Variants in MCTP1 observed in about 807,000 individuals in gnomAD.
MCTP1 encodes multiple C2 and transmembrane domain containing 1, also known as multiple C2 and transmembrane domain-containing protein 1.
In MCTP1, 69 loss-of-function variants were observed where a neutral mutation model predicts 120.6. That is an observed-to-expected ratio of 0.57 (90% CI 0.47 to 0.70). The LOEUF is 0.70. MCTP1 is among the 30% of genes least tolerant of loss of function. The pLI is 0.00. For missense variants in MCTP1, 1,203 were observed against 1,248.8 expected, an observed-to-expected ratio of 0.96 and a Z score of 0.55; for synonymous variants, 529 against 493.1, an observed-to-expected ratio of 1.07 and a Z score of -0.96.
At chr5:95,229,122 C>G (rs536216997) in intron 1 of MCTP1, among the ~76,000 whole-genome samples, 1 of 152,066 alleles carries the variant, frequency 6.6e-6, no homozygotes, top group Non-Finnish European at 1.5e-5. Flanking sequence ...AATAGCTGAC[C>G]GAAGCCAGAA....
At chr5:94,986,004 T>C (rs764651111) in intron 2 of MCTP1, among the ~76,000 whole-genome samples, 14 of 152,200 alleles carry the variant, frequency 9.2e-5, no homozygotes, top group African/African-American at 3.4e-4. Context: ...ATTATAGTTG[T>C]TTGTGATTGA....
At chr5:94,736,243 C>G (rs1764204341) in intron 19 of MCTP1, among the ~76,000 whole-genome samples, 1 of 152,198 alleles carries the variant, frequency 6.6e-6, no homozygotes, top group African/African-American at 2.4e-5. Flanking sequence ...AATCCCAGCA[C>G]TTTGGGAGGC....
chr5:95,013,332 T>C (rs975213208), intron 2 of MCTP1, among the ~76,000 whole-genome samples: 3 of 152,044 alleles, frequency 2.0e-5, no homozygotes, highest in Non-Finnish European at 2.9e-5. Flanking sequence ...AGCAAGATAA[T>C]TGATGACGGT....
At chr5:94,750,414 T>C (rs997501455) in intron 19 of MCTP1, among the ~76,000 whole-genome samples, 2 of 152,242 alleles carry the variant, frequency 1.3e-5, no homozygotes, top group African/African-American at 4.8e-5. Flanking sequence ...GACAATTGTA[T>C]AATCATTAAG....
chr5:94,848,767 A>G (rs1256608852), intron 17 of MCTP1, among the ~76,000 whole-genome samples: 1 of 152,040 alleles, frequency 6.6e-6, no homozygotes, highest in Non-Finnish European at 1.5e-5. Flanking sequence ...GGCAATAAAT[A>G]AAACACTTTA....
intron 1 of MCTP1, among the ~76,000 whole-genome samples, chr5:95,226,133 C>G (rs2152629741): frequency 6.6e-6 from 1 of 152,040 alleles, no homozygotes; most frequent in East Asian, 1.9e-4. Context: ...TATCCCTCAC[C>G]CCCTTCCCAC....
intron 5 of MCTP1, among the ~76,000 whole-genome samples, chr5:94,934,318 A>AT (rs1222460970): frequency 6.6e-6 from 1 of 151,716 alleles, no homozygotes; most frequent in Non-Finnish European, 1.5e-5. Context: ...AATAAGATTT[A>AT]TTTTTTTGCT....
intron 2 of MCTP1, 22 bp from the exon 3 acceptor site, chr5:94,953,383 C>T (rs1441465729): frequency 1.3e-6 from 2 of 1,546,686 alleles, no homozygotes; most frequent in Non-Finnish European, 1.7e-6. Flanking sequence ...ATAGATTGAT[C>T]CATGTTAATC....
At chr5:95,217,101 T>C (rs539174174) in intron 1 of MCTP1, among the ~76,000 whole-genome samples, 3 of 152,346 alleles carry the variant, frequency 2.0e-5, no homozygotes, top group Admixed American at 2.0e-4. Flanking sequence ...TCAGTAAGAT[T>C]ACAGATGTAT....
intron 19 of MCTP1, among the ~76,000 whole-genome samples, chr5:94,734,308 T>C (rs906570266): frequency 1.3e-5 from 2 of 152,242 alleles, no homozygotes; most frequent in Non-Finnish European, 2.9e-5. Flanking sequence ...ACATGTATTG[T>C]ACTTCTTTCC....
chr5:94,776,759 A>C (rs1307518779), intron 19 of MCTP1, among the ~76,000 whole-genome samples: 1 of 152,154 alleles, frequency 6.6e-6, no homozygotes, highest in African/African-American at 2.4e-5. Context: ...GACTGTGTAC[A>C]CAAACTTTAA....
At chr5:95,013,649 T>C (rs751088695) in intron 2 of MCTP1, among the ~76,000 whole-genome samples, 21 of 152,126 alleles carry the variant, frequency 1.4e-4, no homozygotes, top group African/African-American at 5.1e-4. Context: ...GTTTGCTAAA[T>C]ATTTAGTAGG....
intron 1 of MCTP1, among the ~76,000 whole-genome samples, chr5:95,266,719 G>T (rs936450104): frequency 6.6e-6 from 1 of 152,214 alleles, no homozygotes; most frequent in African/African-American, 2.4e-5. Context: ...AGCAGTCCAT[G>T]TTCATATTGG....
chr5:94,870,890 T>C lies in MCTP1; in HGVS notation c.2223A>G (p.Ile741Met). ...GPTKGVIYLE[I>M]DVIFNAVKAS... ...GACTTACAGCATTAAAAATCACATC[T>C]ATTTCAAGATAGATGACCCCCTTTG... Residue 741 changes from isoleucine (I) to methionine (M), a missense_variant, in exon 15 of 23, where the codon ATA becomes ATG. By Grantham distance (10) the Ile-to-Met change is conservative. This residue lies in a region of MCTP1 where 740 missense variants were observed against 871.1 expected (regional missense o/e 0.85). Coordinates refer to ENST00000515393, the MANE Select transcript of MCTP1 (RefSeq NM_024717.7). 5.0e-6 allele frequency: 8 copies of C among 1,612,424 alleles called. No individual in the cohort carries two copies. Among genetic ancestry groups the C allele is most frequent in the Non-Finnish European group, 6.8e-6 (8 of 1,178,686 alleles).
chr5:94,763,340 A>G (rs1383062520), intron 19 of MCTP1, among the ~76,000 whole-genome samples: 1 of 152,122 alleles, frequency 6.6e-6, no homozygotes, highest in Non-Finnish European at 1.5e-5. Context: ...AGCCTTCACA[A>G]TCTTAAATGT....
At chr5:95,040,199 G>T (rs140228869) in intron 1 of MCTP1, among the ~76,000 whole-genome samples, 158 of 152,244 alleles carry the variant, frequency 1.0e-3, no homozygotes, top group African/African-American at 3.7e-3. Flanking sequence ...ACTTTGGAAG[G>T]CCGTGGCAGG....
At chr5:94,924,675 T>TA (rs912924391) in intron 6 of MCTP1, among the ~76,000 whole-genome samples, 1 of 152,086 alleles carries the variant, frequency 6.6e-6, no homozygotes, top group Non-Finnish European at 1.5e-5. Flanking sequence ...CTTTGGGAAA[T>TA]AAAAAAATAG....
At chr5:94,915,048 A>C (rs1203778889) in intron 8 of MCTP1, among the ~76,000 whole-genome samples, 3 of 152,262 alleles carry the variant, frequency 2.0e-5, no homozygotes, top group African/African-American at 7.2e-5. Context: ...AAGGAAGCAA[A>C]GAAAACAAAT....
chr5:95,277,420 T>TGG (rs1759941504), intron 1 of MCTP1, among the ~76,000 whole-genome samples: 3 of 152,214 alleles, frequency 2.0e-5, no homozygotes, highest in Non-Finnish European at 4.4e-5. Flanking sequence ...TCTGCCAGGC[T>TGG]TAAAAGGACT....
Sources: gnomAD v4.1 joint callset for allele counts (sites outside exome capture counted in the v4.1 genomes callset) on GRCh38, gnomAD v4.1.1 for gene constraint, gnomAD v4.1.1 regional missense constraint, MANE v1.5 for transcripts, NCBI Gene and HGNC (gene_info 2026-07-23, HGNC 2026-07-21) for gene names.